THEMIS: variants seen among roughly 807,000 people sequenced by gnomAD.
THEMIS encodes thymocyte selection associated, also known as protein THEMIS.
Under a neutral mutation model 52.6 loss-of-function variants are expected in THEMIS, and 37 were observed. The observed-to-expected ratio is 0.70, with a 90% CI of 0.54 to 0.93. The LOEUF (loss-of-function observed/expected upper bound fraction) is 0.93, where lower values mean the gene tolerates loss of function less well. Ranked by LOEUF, THEMIS falls within the 40% of genes least tolerant of loss-of-function variation. The probability of loss-of-function intolerance (pLI) is 0.00; values close to 1 mark genes in which losing one functional copy is unlikely to be tolerated. For missense variants in THEMIS, 808 were observed against 763.1 expected, an observed-to-expected ratio of 1.06 and a Z score of -0.69; for synonymous variants, 292 against 272.7, an observed-to-expected ratio of 1.07 and a Z score of -0.70.
At chr6:127,783,715 T>G (rs946330108) in intron 4 of THEMIS, among the ~76,000 whole-genome samples, 1 of 152,120 alleles carries the variant, frequency 6.6e-6, no homozygotes, top group African/African-American at 2.4e-5. Context: ...AGAATGGCGA[T>G]CATTAAAAAG....
At chr6:127,729,194 CTCTCTCTCT>C (rs1774664982) in intron 4 of THEMIS, among the ~76,000 whole-genome samples, 1 of 82,218 alleles carries the variant, frequency 1.2e-5, no homozygotes, top group Non-Finnish European at 3.1e-5. Context: ...CTCTCTCTCT[CTCTCTCTCT>C]TCACTCATCC....
intron 1 of THEMIS, among the ~76,000 whole-genome samples, chr6:127,861,712 A>G (rs969117601): frequency 7.0e-6 from 1 of 142,718 alleles, no homozygotes; most frequent in Non-Finnish European, 1.5e-5. Flanking sequence ...TGAACCCAGG[A>G]GGTGAAGGTT....
At chr6:127,856,513 G>A (rs1583359130) in intron 1 of THEMIS, among the ~76,000 whole-genome samples, 1 of 152,046 alleles carries the variant, frequency 6.6e-6, no homozygotes, top group African/African-American at 2.4e-5. Flanking sequence ...GAGGACAAGC[G>A]AGCTACTAAT....
At chr6:127,772,023 C>A (rs1776403865) in intron 4 of THEMIS, among the ~76,000 whole-genome samples, 2 of 152,054 alleles carry the variant, frequency 1.3e-5, no homozygotes, top group African/African-American at 4.8e-5. Context: ...ATATCTTGGG[C>A]ACCTTTATTT....
At chr6:127,849,844 A>G (rs1779359372) in intron 2 of THEMIS, among the ~76,000 whole-genome samples, 1 of 152,044 alleles carries the variant, frequency 6.6e-6, no homozygotes, top group Non-Finnish European at 1.5e-5. Flanking sequence ...CAAATAATTC[A>G]TGACTAAGAC....
intron 4 of THEMIS, among the ~76,000 whole-genome samples, chr6:127,802,619 G>A (rs940230278): frequency 2.6e-5 from 4 of 152,274 alleles, no homozygotes; most frequent in South Asian, 4.1e-4. Flanking sequence ...CTTCTAGGTC[G>A]AATGGGCAAA....
Position 127,816,476 on chromosome 6 carries a change from A to G in THEMIS, c.710-2545T>C, listed in dbSNP as rs77849260. On this transcript the variant is annotated intron_variant, in intron 3 of 5. Transcript: ENST00000368248. Reference sequence around the variant, plus strand: ...GAAATCTAATCTTCCTCCAAAACCTAAGCTATATGCTGTCTTCCCAGACTC... The same window carrying G: ...GAAATCTAATCTTCCTCCAAAACCTGAGCTATATGCTGTCTTCCCAGACTC... 2.8e-3 allele frequency among the ~76,000 whole-genome samples: 428 copies of G among 152,216 alleles called. 3 individuals are homozygous for G. Among genetic ancestry groups the G allele is most frequent in the African/African-American group, 9.9e-3 (411 of 41,530 alleles).
At chr6:127,847,114 G>A (rs1253583263) in intron 2 of THEMIS, among the ~76,000 whole-genome samples, 2 of 151,818 alleles carry the variant, frequency 1.3e-5, no homozygotes, top group East Asian at 1.9e-4. Context: ...CAAAAAAATA[G>A]GTATAGAAGG....
At chr6:127,838,889 C>A (rs145802803) in intron 2 of THEMIS, among the ~76,000 whole-genome samples, 1 of 152,182 alleles carries the variant, frequency 6.6e-6, no homozygotes. Context: ...TGCTGTGACG[C>A]TTCTATAACA....
intron 4 of THEMIS, among the ~76,000 whole-genome samples, chr6:127,792,486 A>G (rs1249708059): frequency 6.6e-6 from 1 of 152,218 alleles, no homozygotes; most frequent in Non-Finnish European, 1.5e-5. Flanking sequence ...TTATTATTAT[A>G]GTTTCTGGGA....
chr6:127,738,796 C>A (rs1275752181), intron 4 of THEMIS, among the ~76,000 whole-genome samples: 1 of 152,084 alleles, frequency 6.6e-6, no homozygotes, highest in East Asian at 1.9e-4. Flanking sequence ...TAGGACATTT[C>A]TGTACAATTT....
At chr6:127,875,158 C>G (rs968557075) in intron 1 of THEMIS, among the ~76,000 whole-genome samples, 1 of 152,190 alleles carries the variant, frequency 6.6e-6, no homozygotes, top group South Asian at 2.1e-4. Context: ...GAAACCAGTC[C>G]CTGGTCCCAA....
chr6:127,842,492 T>C (rs550288835), intron 2 of THEMIS, among the ~76,000 whole-genome samples: 14 of 152,166 alleles, frequency 9.2e-5, no homozygotes, highest in African/African-American at 2.9e-4. Flanking sequence ...TTTTAATACT[T>C]TTCTGAATTT....
chr6:127,817,296 G>A (rs1357015822), intron 3 of THEMIS, among the ~76,000 whole-genome samples: 1 of 151,976 alleles, frequency 6.6e-6, no homozygotes, highest in Non-Finnish European at 1.5e-5. Flanking sequence ...ACCACTAAAG[G>A]AAGCAATTCA....
intron 4 of THEMIS, among the ~76,000 whole-genome samples, chr6:127,808,704 C>T (rs1010226239): frequency 6.6e-6 from 1 of 152,030 alleles, no homozygotes; most frequent in Non-Finnish European, 1.5e-5. Flanking sequence ...GTAACCATAC[C>T]CCCACTCGTG....
At chr6:127,866,931 C>T (rs1012544980) in intron 1 of THEMIS, among the ~76,000 whole-genome samples, 1 of 146,306 alleles carries the variant, frequency 6.8e-6, no homozygotes, top group African/African-American at 2.5e-5. Context: ...GCTAAGGCTA[C>T]TAAGATTTTT....
At chr6:127,833,070 C>T (rs1778755128) in intron 2 of THEMIS, among the ~76,000 whole-genome samples, 1 of 151,764 alleles carries the variant, frequency 6.6e-6, no homozygotes, top group Non-Finnish European at 1.5e-5. Flanking sequence ...AGGTGTGAGC[C>T]ATCACACCTG....
chr6:127,734,107 A>G (rs1403026816), intron 4 of THEMIS, among the ~76,000 whole-genome samples: 2 of 152,022 alleles, frequency 1.3e-5, no homozygotes, highest in African/African-American at 2.4e-5. Context: ...ACAAATTGAG[A>G]AAAAAAATAG....
intron 4 of THEMIS, among the ~76,000 whole-genome samples, chr6:127,782,440 G>A (rs1007271647): frequency 6.6e-6 from 1 of 152,166 alleles, no homozygotes; most frequent in Non-Finnish European, 1.5e-5. Flanking sequence ...GGCACCCAAG[G>A]GAATATCCTA....
Sources: allele counts gnomAD v4.1 joint callset (sites outside exome capture counted in the v4.1 genomes callset), GRCh38; gene constraint gnomAD v4.1.1; transcripts MANE v1.5; gene names NCBI Gene and HGNC (gene_info 2026-07-23, HGNC 2026-07-21).